The following SCN9A variants were observed in gnomAD, a reference collection of about 807,000 sequenced individuals.
SCN9A encodes sodium channel protein type 9 subunit alpha.
SCN9A carries 131 observed loss-of-function variants against 187.0 expected under a neutral mutation model. The observed-to-expected ratio is 0.70, with a 90% CI of 0.61 to 0.81. The LOEUF (loss-of-function observed/expected upper bound fraction) is 0.81, where lower values mean the gene tolerates loss of function less well. SCN9A is among the 30% of genes least tolerant of loss of function. The probability of loss-of-function intolerance (pLI) is 0.00; values close to 1 mark genes in which losing one functional copy is unlikely to be tolerated. For synonymous variants in SCN9A, 809 were observed against 808.6 expected (o/e 1.00, Z -0.01); for missense variants, 2,252 against 2,396.6 (o/e 0.94, Z 1.26).
chr2:166,228,583 A>G, intron 22 of SCN9A, 108 bp downstream of exon 22: 1 of 1,120,288 alleles, frequency 8.9e-7, no homozygotes, highest in Non-Finnish European at 1.3e-6. Context: ...TAAAAACCAC[A>G]CAGTATTTTA....
intron 1 of SCN9A, chr2:166,321,577 C>T (rs541395767): frequency 1.1e-4 from 17 of 150,922 alleles, no homozygotes; most frequent in African/African-American, 4.1e-4. Context: ...TTTTGAACTC[C>T]GAGTCTCTAT....
intron 1 of SCN9A, among the ~76,000 whole-genome samples, chr2:166,374,947 A>G (rs1260673918): frequency 6.6e-6 from 1 of 152,098 alleles, no homozygotes; most frequent in African/African-American, 2.4e-5. Context: ...TAATGAGTGA[A>G]ATGTTTACTA....
intron 26 of SCN9A, among the ~76,000 whole-genome samples, chr2:166,200,667 G>T (rs960822381): frequency 2.0e-5 from 3 of 152,196 alleles, no homozygotes; most frequent in Non-Finnish European, 4.4e-5. Context: ...ACAGAGTCTT[G>T]CTCTGTCGCC....
At chr2:166,265,906 T>C (rs1192974364) in intron 17 of SCN9A, among the ~76,000 whole-genome samples, 2 of 151,894 alleles carry the variant, frequency 1.3e-5, no homozygotes, top group Non-Finnish European at 2.9e-5. Flanking sequence ...TTTTGAATTA[T>C]TTGTTTTTTT....
chr2:166,317,154 T>TGAAA (rs2105237879), intron 1 of SCN9A, among the ~76,000 whole-genome samples: 1 of 151,690 alleles, frequency 6.6e-6, no homozygotes, highest in Non-Finnish European at 1.5e-5. Context: ...ATTATTTTTA[T>TGAAA]GTCTTTATAC....
chr2:166,340,541 CCTTTCTTTCTTTCTTTCTTT>C lies in SCN9A; in HGVS notation c.-50-28755_-50-28736del, dbSNP rs201511761. On this transcript the variant is annotated intron_variant, in intron 1 of 26. Coordinates refer to ENST00000642356, the MANE Select transcript of SCN9A (RefSeq NM_001365536.1). ...TTCCCTCTCTCCTTTCTTTTCTTTC[CCTTTCTTTCTTTCTTTCTTT>C]CTTTCTTTCTTTCTTTCTTTCTTTC... 6.6e-3 allele frequency among the ~76,000 whole-genome samples: 448 copies of C among 67,830 alleles called. 3 individuals are homozygous for C. Among genetic ancestry groups the C allele is most frequent in the Middle Eastern group, 0.028 (4 of 144 alleles). 44.5% of individuals were successfully genotyped at this position (67,830 alleles called of 152,430 possible).
rs556983815 is a variant in SCN9A, at chr2:166,273,696, A to G, written c.2875-821T>C. 2.0e-5 allele frequency among the ~76,000 whole-genome samples: 3 copies of G among 152,282 alleles called. No homozygotes were observed. In the South Asian group the frequency reaches 6.2e-4, roughly 32 times the overall value. ...AAAATGTTCACAGAGGGCAGGAAAC[A>G]TGTAAATTGTAAATTATATTTAAAC... On this transcript the variant is annotated intron_variant, in intron 16 of 26. Transcript: ENST00000642356.
intron 20 of SCN9A, 65 bp from the exon 21 acceptor site, chr2:166,233,527 A>G (rs1695187957): frequency 7.3e-7 from 1 of 1,375,338 alleles, no homozygotes; most frequent in African/African-American, 1.5e-5. Context: ...GAAAAAGTCA[A>G]TTCTGAAACT....
chr2:166,266,941 C>G (rs1201900456), intron 17 of SCN9A, among the ~76,000 whole-genome samples: 1 of 151,810 alleles, frequency 6.6e-6, no homozygotes, highest in Non-Finnish European at 1.5e-5. Flanking sequence ...ATGAAATCTA[C>G]TACTTTTTTT....
At chr2:166,360,960 A>G (rs943598764) in intron 1 of SCN9A, among the ~76,000 whole-genome samples, 2 of 152,172 alleles carry the variant, frequency 1.3e-5, no homozygotes, top group African/African-American at 2.4e-5. Context: ...TAAAATAGTA[A>G]GACAGCATAA....
intron 17 of SCN9A, among the ~76,000 whole-genome samples, chr2:166,261,392 C>T (rs1171289986): frequency 1.3e-5 from 2 of 151,876 alleles, no homozygotes; most frequent in African/African-American, 4.8e-5. Context: ...AAGTTTTGCC[C>T]TTCCTCAGGC....
intron 5 of SCN9A, among the ~76,000 whole-genome samples, chr2:166,305,062 G>A (rs1698710109): frequency 6.6e-6 from 1 of 152,028 alleles, no homozygotes. Context: ...AAGAGGTTAG[G>A]CAGGGATGAA....
chr2:166,201,743 C>CCTAT (rs1262452713), intron 26 of SCN9A, among the ~76,000 whole-genome samples: 2 of 150,532 alleles, frequency 1.3e-5, no homozygotes, highest in African/African-American at 4.9e-5. Flanking sequence ...TATAGCTGAA[C>CCTAT]CTATCTCCAG....
rs372548033 is a variant in SCN9A, at chr2:166,276,705, T to G, written c.2874+278A>C. On this transcript the variant is annotated intron_variant, in intron 16 of 26. Transcript: ENST00000642356. ...ACTAGTATAGCTTCAAGAGAGCATA[T>G]GCCATCACTTTCAAAATTAGAGAAA... is the stretch of plus-strand genomic sequence containing the variant. 4.0e-4 allele frequency: 79 copies of G among 197,174 alleles called. 3 individuals are homozygous for G. In the South Asian group the frequency reaches 1.0e-2, roughly 25 times the overall value. The allele number at this position is 197,174 out of a possible 1,614,324, so 12.2% of individuals were successfully genotyped here.
chr2:166,269,194 T>C (rs1337139830), intron 17 of SCN9A, among the ~76,000 whole-genome samples: 3 of 151,996 alleles, frequency 2.0e-5, no homozygotes, highest in Non-Finnish European at 4.4e-5. Context: ...ACTCAGTTTA[T>C]AGGGCACTAG....
chr2:166,371,321 C>T (rs1015109221), intron 1 of SCN9A, among the ~76,000 whole-genome samples: 2 of 152,188 alleles, frequency 1.3e-5, no homozygotes, highest in Non-Finnish European at 2.9e-5. Flanking sequence ...GCAGATTATG[C>T]TTACTGGCAC....
chr2:166,289,378 C>T (rs1032501321), intron 9 of SCN9A, among the ~76,000 whole-genome samples: 1 of 151,826 alleles, frequency 6.6e-6, no homozygotes, highest in Non-Finnish European at 1.5e-5. Flanking sequence ...ATGATCTTCT[C>T]ATTGCCCATG....
In SCN9A at chr2:166,276,773, G is replaced by C. The variant is rs188257756; in HGVS notation, c.2874+210C>G. 5.8e-5 allele frequency: 20 copies of C among 343,536 alleles called. No individual in the cohort carries two copies. The East Asian group carries it at 9.9e-4, about 17-fold the overall frequency. 21.3% of individuals were successfully genotyped at this position (343,536 alleles called of 1,614,324 possible). A position where few individuals can be genotyped will look rare whatever the true frequency, so the allele number is the denominator to read the frequency against. On this transcript the variant is annotated intron_variant, in intron 16 of 26. Transcript: ENST00000642356. ...CTTAAAATGAATAGGCAGTGATTTT[G>C]AAAAATATAAATATGGGTTATTTGG...
At chr2:166,333,805 A>G (rs1463629887) in intron 1 of SCN9A, among the ~76,000 whole-genome samples, 1 of 152,006 alleles carries the variant, frequency 6.6e-6, no homozygotes, top group African/African-American at 2.4e-5. Context: ...GATAAAATAC[A>G]TTTCAAAATA....
Sources: gnomAD v4.1 joint callset for allele counts (sites outside exome capture counted in the v4.1 genomes callset) on GRCh38, gnomAD v4.1.1 for gene constraint, MANE v1.5 for transcripts, NCBI Gene and HGNC (gene_info 2026-07-23, HGNC 2026-07-21) for gene names.